Variants in MACROD2 observed in about 807,000 individuals in gnomAD.
MACROD2 encodes ADP-ribose glycohydrolase MACROD2.
MACROD2 carries 36 observed loss-of-function variants against 70.4 expected under a neutral mutation model. That is an observed-to-expected ratio of 0.51 (90% CI 0.39 to 0.68). The LOEUF (loss-of-function observed/expected upper bound fraction) is 0.68, where lower values mean the gene tolerates loss of function less well. Ranked by LOEUF, MACROD2 falls within the 30% of genes least tolerant of loss-of-function variation. The probability of loss-of-function intolerance (pLI) is 0.00; values close to 1 mark genes in which losing one functional copy is unlikely to be tolerated. For synonymous variants in MACROD2, 172 were observed against 178.8 expected, an observed-to-expected ratio of 0.96 and a Z score of 0.30; for missense variants, 496 against 538.4, an observed-to-expected ratio of 0.92 and a Z score of 0.78.
At chr20:15,430,025 G>T (rs974127876) in intron 6 of MACROD2, among the ~76,000 whole-genome samples, 1 of 151,944 alleles carries the variant, frequency 6.6e-6, no homozygotes, top group African/African-American at 2.4e-5. Context: ...TGCAGTATTT[G>T]TCTTTCTGTG....
intron 6 of MACROD2, among the ~76,000 whole-genome samples, chr20:15,249,558 C>T (rs1485729996): frequency 6.6e-6 from 1 of 152,106 alleles, no homozygotes; most frequent in East Asian, 1.9e-4. Flanking sequence ...TCCAAGGCAC[C>T]CAAGGCTCCA....
chr20:15,766,405 T>C (rs1020081723), intron 8 of MACROD2, among the ~76,000 whole-genome samples: 5 of 152,230 alleles, frequency 3.3e-5, no homozygotes, highest in African/African-American at 4.8e-5. Flanking sequence ...TCATAAACAG[T>C]CAGATTACAT....
rs80073361 is a variant in MACROD2 at position 14,040,839 on chromosome 20, G to A, written c.163+38435G>A. On this transcript the variant is annotated intron_variant, in intron 2 of 17. Transcript: ENST00000684519. ...ATGGCCTGTTATTAATTGAAATGTTGTGTGGCACATGATTGTAGTGGGCAT... is the reference window on the plus strand; with the variant it reads ...ATGGCCTGTTATTAATTGAAATGTTATGTGGCACATGATTGTAGTGGGCAT... Among the ~76,000 whole-genome samples, 1,238 of 152,256 alleles carry A rather than the reference G, an allele frequency of 8.1e-3. 20 individuals are homozygous for A. The highest frequency in any genetic ancestry group is 0.027 in the African/African-American group (1,142 of 41,542).
chr20:14,974,447 T>C (rs545746666), intron 5 of MACROD2, among the ~76,000 whole-genome samples: 2 of 152,206 alleles, frequency 1.3e-5, no homozygotes, highest in South Asian at 4.1e-4. Context: ...ATTCAAGAAG[T>C]GTCTATTTAC....
At chr20:14,592,045 G>A (rs1298525414) in intron 4 of MACROD2, among the ~76,000 whole-genome samples, 1 of 152,130 alleles carries the variant, frequency 6.6e-6, no homozygotes, top group East Asian at 1.9e-4. Context: ...TGCAGTGGAA[G>A]GACATGGCAA....
intron 5 of MACROD2, among the ~76,000 whole-genome samples, chr20:15,179,063 A>G (rs1429426255): frequency 1.3e-5 from 2 of 152,334 alleles, no homozygotes; most frequent in Middle Eastern, 3.4e-3. Context: ...TTAGGCTCCT[A>G]TATAACCTAG....
chr20:15,529,964 G>T (rs1481067456), intron 8 of MACROD2, among the ~76,000 whole-genome samples: 1 of 152,140 alleles, frequency 6.6e-6, no homozygotes, highest in Non-Finnish European at 1.5e-5. Context: ...TCAACAGGTA[G>T]AAGAAATTTG....
chr20:14,095,152 A>G (rs966789429), intron 3 of MACROD2, among the ~76,000 whole-genome samples: 1 of 152,190 alleles, frequency 6.6e-6, no homozygotes, highest in African/African-American at 2.4e-5. Flanking sequence ...TTCTGCTAGC[A>G]TAGCACATAA....
intron 8 of MACROD2, among the ~76,000 whole-genome samples, chr20:15,604,138 C>T (rs1446428551): frequency 6.6e-6 from 1 of 152,118 alleles, no homozygotes; most frequent in Non-Finnish European, 1.5e-5. Flanking sequence ...ATATGTACCA[C>T]ATGGGCTTCT....
intron 3 of MACROD2, among the ~76,000 whole-genome samples, chr20:14,464,727 A>G (rs936206198): frequency 2.0e-5 from 3 of 151,626 alleles, no homozygotes; most frequent in Non-Finnish European, 4.4e-5. Context: ...AGATTCTGGT[A>G]TGTTGTGTCT....
At chr20:14,866,633 C>A (rs1328985033) in intron 5 of MACROD2, among the ~76,000 whole-genome samples, 2 of 152,026 alleles carry the variant, frequency 1.3e-5, no homozygotes, top group East Asian at 3.9e-4. Context: ...GCAGAGGTAT[C>A]TTTCAGGAAC....
chr20:14,162,679 T>C (rs1378779055), intron 3 of MACROD2, among the ~76,000 whole-genome samples: 1 of 152,122 alleles, frequency 6.6e-6, no homozygotes, highest in Non-Finnish European at 1.5e-5. Context: ...GTATAGCTAC[T>C]CCTGCTTTTG....
chr20:14,219,672 G>T (rs988038848), intron 3 of MACROD2, among the ~76,000 whole-genome samples: 2 of 152,194 alleles, frequency 1.3e-5, no homozygotes, highest in Non-Finnish European at 2.9e-5. Flanking sequence ...CAGAGGGAAG[G>T]TCTAGGGCCG....
chr20:14,175,807 C>G (rs1428143089), intron 3 of MACROD2, among the ~76,000 whole-genome samples: 1 of 152,156 alleles, frequency 6.6e-6, no homozygotes, highest in East Asian at 1.9e-4. Flanking sequence ...GTGACAGCTT[C>G]AAAAACTGTC....
chr20:14,414,286 A>G (rs2083780147), intron 3 of MACROD2, among the ~76,000 whole-genome samples: 3 of 151,952 alleles, frequency 2.0e-5, no homozygotes, highest in Admixed American at 6.6e-5. Flanking sequence ...CAGAAAGGCA[A>G]CTCCACTCTT....
intron 5 of MACROD2, among the ~76,000 whole-genome samples, chr20:14,866,891 G>C (rs1393903443): frequency 6.6e-6 from 1 of 152,056 alleles, no homozygotes; most frequent in East Asian, 1.9e-4. Flanking sequence ...TTGTCAAGAA[G>C]AATAAATCTG....
At position 14,036,336 on chromosome 20, in the gene MACROD2, C is replaced by G. The variant is rs75678644; in HGVS notation, c.163+33932C>G. Among the ~76,000 whole-genome samples the G allele has an allele frequency of 2.6e-5, 4 of 152,226 alleles. No homozygotes were observed. In the East Asian group the frequency reaches 7.7e-4, roughly 29 times the overall value. On this transcript the variant is annotated intron_variant, in intron 2 of 17. Coordinates refer to ENST00000684519, the MANE Select transcript of MACROD2 (RefSeq NM_001351661.2). ...CTGTTGGGTTCTCAGTACATTTTTG[C>G]TTAGTGTACTTGAACTTCAGTGTTT...
chr20:15,962,292 A>G (rs2066073996), intron 12 of MACROD2, among the ~76,000 whole-genome samples: 1 of 152,358 alleles, frequency 6.6e-6, no homozygotes, highest in Admixed American at 6.5e-5. Flanking sequence ...AATTTGAGCA[A>G]ATCAGATTAG....
intron 6 of MACROD2, among the ~76,000 whole-genome samples, chr20:15,414,473 G>C (rs574533883): frequency 6.6e-6 from 1 of 152,312 alleles, no homozygotes; most frequent in South Asian, 2.1e-4. Context: ...GTCATGGACA[G>C]GTAGAAACCG....
Sources: allele counts gnomAD v4.1 joint callset (sites outside exome capture counted in the v4.1 genomes callset), GRCh38; gene constraint gnomAD v4.1.1; transcripts MANE v1.5; gene names NCBI Gene and HGNC (gene_info 2026-07-23, HGNC 2026-07-21).